RGS5: variants seen among roughly 807,000 people sequenced by gnomAD.
RGS5 encodes regulator of G-protein signalling 5.
In RGS5, 20 loss-of-function variants were observed where a neutral mutation model predicts 18.9. That is an observed-to-expected ratio of 1.06 (90% confidence interval 0.74 to 1.54). RGS5 has a LOEUF of 1.54. RGS5 is among the 40% of genes most tolerant of loss of function. The pLI is 0.00. For missense variants in RGS5, 201 were observed against 211.8 expected (o/e 0.95, Z 0.32); for synonymous variants, 57 against 76.2 (o/e 0.75, Z 1.31).
In RGS5 at chr1:163,251,846, G is replaced by A. The variant is rs370917424; in HGVS notation, c.-281+54387C>T. Among the ~76,000 whole-genome samples the A allele has an allele frequency of 4.6e-5, 7 of 152,188 alleles. No homozygotes were observed. The East Asian group carries it at 9.6e-4, about 21-fold the overall frequency. ...ATCCATCCATGTTGCTACATGTATC[G>A]ATTGTTGACTCATTTTCTGTGCTAT... On this transcript the variant is annotated intron_variant, in intron 2 of 5. Coordinates refer to the RGS5 transcript ENST00000618415.
At chr1:163,275,954 A>G (rs370974366) in intron 2 of RGS5, among the ~76,000 whole-genome samples, 26 of 152,280 alleles carry the variant, frequency 1.7e-4, no homozygotes, top group Admixed American at 1.4e-3. Context: ...ACAGATGCTT[A>G]AATAGCTCGT....
intron 2 of RGS5, among the ~76,000 whole-genome samples, chr1:163,251,080 G>C (rs1648094445): frequency 6.6e-6 from 1 of 152,050 alleles, no homozygotes. Context: ...CAACCCCGAA[G>C]GTTATCTAGT....
At chr1:163,292,988 G>A (rs979700843) in intron 2 of RGS5, among the ~76,000 whole-genome samples, 2 of 151,716 alleles carry the variant, frequency 1.3e-5, no homozygotes, top group Non-Finnish European at 3.0e-5. Context: ...TCTGTTGATA[G>A]TTTCCTTTGC....
rs943601813 is a variant in RGS5 at position 163,254,092 on chromosome 1, A to G, written c.-281+52141T>C. 5.3e-3 allele frequency among the ~76,000 whole-genome samples: 801 copies of G among 150,984 alleles called. 10 individuals carry two copies. The highest frequency in any genetic ancestry group is 0.01 in the Middle Eastern group (3 of 294). On this transcript the variant is annotated intron_variant, in intron 2 of 5. Transcript: ENST00000618415. ...TGGTTCCAAGTCTTTGCTATTGTGA[A>G]TAGTGCCACAATAAACATATGTGTG...
At chr1:163,201,938 A>G (rs533559291) in intron 1 of RGS5, among the ~76,000 whole-genome samples, 57 of 152,314 alleles carry the variant, frequency 3.7e-4, no homozygotes, top group African/African-American at 1.3e-3. Flanking sequence ...ACTTCTCTCC[A>G]TCAGAGAGGA....
At chr1:163,288,318 A>G (rs945364810) in intron 2 of RGS5, among the ~76,000 whole-genome samples, 1 of 152,154 alleles carries the variant, frequency 6.6e-6, no homozygotes, top group African/African-American at 2.4e-5. Context: ...AGTTTAAGAC[A>G]AAGTTTTGAC....
upstream of RGS5, among the ~76,000 whole-genome samples, chr1:163,220,332 C>T (rs1647205233): frequency 6.6e-6 from 1 of 152,016 alleles, no homozygotes; most frequent in Non-Finnish European, 1.5e-5. Context: ...ACGTTTTTCT[C>T]TCAATATCGA....
At chr1:163,320,505 A>G (rs977866539) in intron 1 of RGS5, among the ~76,000 whole-genome samples, 2 of 152,162 alleles carry the variant, frequency 1.3e-5, no homozygotes, top group Non-Finnish European at 1.5e-5. Flanking sequence ...TTGACCGTAG[A>G]GATGTGCTCT....
chr1:163,269,210 C>T (rs537083106), intron 2 of RGS5, among the ~76,000 whole-genome samples: 2 of 152,034 alleles, frequency 1.3e-5, no homozygotes, highest in African/African-American at 2.4e-5. Context: ...TACAAGTGTA[C>T]ACATATATGA....
intron 2 of RGS5, among the ~76,000 whole-genome samples, chr1:163,280,205 A>T (rs1321357181): frequency 4.6e-5 from 1 of 21,718 alleles, no homozygotes; most frequent in Admixed American, 3.3e-4. Context: ...GCACAAATTA[A>T]AAAAAAACAA....
intron 2 of RGS5, among the ~76,000 whole-genome samples, chr1:163,263,807 GAAC>G (rs1180861813): frequency 6.6e-6 from 1 of 151,514 alleles, no homozygotes; most frequent in Non-Finnish European, 1.5e-5. Context: ...AAAGAGATAT[GAAC>G]AATAAGACCT....
At chr1:163,206,623 T>A (rs1003113538), upstream of RGS5, 1 of 152,166 alleles carries the variant, frequency 6.6e-6, no homozygotes, top group Non-Finnish European at 1.5e-5. Flanking sequence ...AAAGCTCTCA[T>A]GGATGAGATT....
chr1:163,285,012 C>T (rs2101721389), intron 2 of RGS5, among the ~76,000 whole-genome samples: 1 of 152,204 alleles, frequency 6.6e-6, no homozygotes, highest in Non-Finnish European at 1.5e-5. Context: ...GAATGAGAGC[C>T]AAGTGAAAGG....
intron 1 of RGS5, among the ~76,000 whole-genome samples, chr1:163,199,323 G>A (rs1367602708): frequency 1.3e-5 from 2 of 152,002 alleles, no homozygotes; most frequent in African/African-American, 4.8e-5. Flanking sequence ...ATAAGCAATA[G>A]TCTTAAAAAT....
rs200530428 is a variant in RGS5 at position 163,143,762 on chromosome 1, T to C, written c.*3580A>G. ...AATAATGAAAATCATTTCTCTGAAATATAACTAGCTTTTACAACGATTCTC... is the reference window on the plus strand; with the variant it reads ...AATAATGAAAATCATTTCTCTGAAACATAACTAGCTTTTACAACGATTCTC... On this transcript the variant is annotated 3_prime_UTR_variant, in exon 5 of 5. Coordinates refer to ENST00000313961, the MANE Select transcript of RGS5 (RefSeq NM_003617.4). 10 of 152,262 alleles carry C rather than the reference T, an allele frequency of 6.6e-5. No individual in the cohort carries two copies. The East Asian group carries it at 1.7e-3, about 26-fold the overall frequency. The allele number at this position is 152,262 out of a possible 1,614,324, so 9.4% of individuals were successfully genotyped here.
chr1:163,309,080 T>A (rs1649784431), intron 1 of RGS5, among the ~76,000 whole-genome samples: 1 of 152,076 alleles, frequency 6.6e-6, no homozygotes, highest in Non-Finnish European at 1.5e-5. Flanking sequence ...CTGGGTGTAG[T>A]GGTTCATGCC....
chr1:163,168,528 A>C (rs553933148), intron 1 of RGS5, among the ~76,000 whole-genome samples, 160 bp from the exon 2 acceptor site: 1 of 152,338 alleles, frequency 6.6e-6, no homozygotes, highest in South Asian at 2.1e-4. Flanking sequence ...ATTAGGATAT[A>C]TAAGTTCTAA....
rs115546429 is a variant in RGS5 at position 163,167,833 on chromosome 1, C to T, written c.155+425G>A. Among the ~76,000 whole-genome samples the T allele has an allele frequency of 6.1e-3, 935 of 152,246 alleles. 11 individuals carry two copies. The highest frequency in any genetic ancestry group is 0.022 in the African/African-American group (900 of 41,532). On this transcript the variant is annotated intron_variant, in intron 2 of 4. Transcript: ENST00000313961. ...TTCTGAGGGAAATGTTCTCACATCA[C>T]CCTGCTGAGGAAGCAGCTTTAGATA...
chr1:163,230,362 CT>C (rs1260208887), intron 2 of RGS5, among the ~76,000 whole-genome samples: 24 of 151,824 alleles, frequency 1.6e-4, no homozygotes, highest in Admixed American at 5.2e-4. Flanking sequence ...ATTTTCTCCC[CT>C]ATTAGCCAGG....
Sources: allele counts gnomAD v4.1 joint callset (sites outside exome capture counted in the v4.1 genomes callset), GRCh38; gene constraint gnomAD v4.1.1; transcripts MANE v1.5; gene names NCBI Gene and HGNC (gene_info 2026-07-23, HGNC 2026-07-21).